CRAT: variants seen among roughly 807,000 people sequenced by gnomAD.
The protein encoded by CRAT is carnitine O-acetyltransferase.
In CRAT, 66 loss-of-function variants were observed where a neutral mutation model predicts 73.7. That is an observed-to-expected ratio of 0.90 (90% CI 0.73 to 1.10). The LOEUF is 1.10. Ranked by LOEUF, CRAT falls within the 50% of genes least tolerant of loss-of-function variation. The pLI, the probability that CRAT is intolerant of heterozygous loss-of-function variation, is 0.00. For synonymous variants in CRAT, 321 were observed against 343.2 expected, an observed-to-expected ratio of 0.94 and a Z score of 0.71; for missense variants, 745 against 846.9, an observed-to-expected ratio of 0.88 and a Z score of 1.49.
Position 129,110,400 on chromosome 9 carries a change from G to T in CRAT, c.27+83C>A. 1 of 1,379,810 alleles carries T rather than the reference G, an allele frequency of 7.2e-7. No homozygotes were observed. The highest frequency in any genetic ancestry group is 1.4e-5 in the South Asian group (1 of 71,574). The allele number at this position is 1,379,810 out of a possible 1,614,324, so 85.5% of individuals were successfully genotyped here. ...AGGCCGGGTCGAACAGCGGCCGCAG[G>T]ACGCGGTCTCCGTTCCCGGACGCAA... On this transcript the variant is annotated intron_variant, in intron 1 of 13. Coordinates refer to ENST00000318080, the MANE Select transcript of CRAT (RefSeq NM_000755.5). This position sits in a 1 kb window ranked among gnomAD's most constrained non-coding sequence, Gnocchi z 5.3.
At position 129,101,959 on chromosome 9, in the gene CRAT, G is replaced by C. The variant is rs745998010; in HGVS notation, c.729C>G (p.Thr243=). Residue 243 remains threonine, a synonymous_variant, in exon 6 of 14, where the codon ACC becomes ACG. Coordinates refer to ENST00000318080, the MANE Select transcript of CRAT (RefSeq NM_000755.5). ...TGAGGATGCCCACAGGCTCCTTGTTGGTCTGTAGGGATGAGTTCCAGATCT... is the reference window on the plus strand; with the variant it reads ...TGAGGATGCCCACAGGCTCCTTGTTCGTCTGTAGGGATGAGTTCCAGATCT... The part of the protein sequence containing the change: ...LEKIWNSSLQ[T]NKEPVGILTS... The C allele has an allele frequency of 2.5e-6, 4 of 1,614,200 alleles. No homozygotes were observed. Among genetic ancestry groups the C allele is most frequent in the Non-Finnish European group, 3.4e-6 (4 of 1,180,022 alleles).
intron 1 of CRAT, 86 bp from the exon 2 acceptor site, chr9:129,108,163 G>A (rs1848139300): frequency 2.8e-6 from 4 of 1,453,554 alleles, no homozygotes; most frequent in South Asian, 3.0e-5. Flanking sequence ...GCACTTAAGT[G>A]CCCATCCCTG....
intron 11 of CRAT, 115 bp from the exon 12 acceptor site, chr9:129,097,427 G>C: frequency 2.6e-6 from 2 of 778,664 alleles, no homozygotes; most frequent in Non-Finnish European, 3.9e-6. Flanking sequence ...GAAATATTGG[G>C]GCTGGGAGCG....
intron 12 of CRAT, among the ~76,000 whole-genome samples, chr9:129,096,385 A>G (rs1406951137): frequency 1.3e-5 from 2 of 152,266 alleles, no homozygotes. Flanking sequence ...TGGGTGACCT[A>G]GCCCCATCCT....
chr9:129,104,795 G>A (rs535177713), intron 2 of CRAT, among the ~76,000 whole-genome samples: 21 of 151,562 alleles, frequency 1.4e-4, no homozygotes, highest in South Asian at 2.1e-4. Flanking sequence ...TAGTAGAGAC[G>A]GGGTTTCACC....
chr9:129,098,778 C>G, intron 8 of CRAT, 128 bp from the exon 9 acceptor site: 1 of 1,046,332 alleles, frequency 9.6e-7, no homozygotes. Flanking sequence ...TGAGTTTGTT[C>G]TGAAAACCAC....
rs1847442858 is a variant in CRAT at position 129,098,601 on chromosome 9, T to C, written c.1135A>G (p.Lys379Glu). ...GGGGTGATGTTGAACCGCAGCTTCT[T>C]GGGCATGGGCAGGGGCACCAGGGGA... The part of the protein sequence containing the change: ...RSPLVPLPMP[K>E]KLRFNITPEI... The change falls in exon 9 of 14, where the codon AAG (lysine) becomes GAG (glutamate). Residue 379 changes from lysine to glutamate, a missense_variant. Coordinates refer to ENST00000318080, the MANE Select transcript of CRAT (RefSeq NM_000755.5). 1 of 1,599,478 alleles carries C rather than the reference T, an allele frequency of 6.3e-7. No individual in the cohort carries two copies. Among genetic ancestry groups the C allele is most frequent in the Non-Finnish European group, 8.5e-7 (1 of 1,176,238 alleles).
At chr9:129,105,468 G>A (rs1223830019) in intron 2 of CRAT, among the ~76,000 whole-genome samples, 1 of 152,120 alleles carries the variant, frequency 6.6e-6, no homozygotes, top group Middle Eastern at 3.4e-3. Context: ...CTATAGGTGC[G>A]CACCACCATG....
intron 8 of CRAT, among the ~76,000 whole-genome samples, chr9:129,099,402 G>A (rs1588446018): frequency 6.8e-6 from 1 of 146,884 alleles, no homozygotes; most frequent in South Asian, 2.2e-4. Flanking sequence ...GGGATTATAG[G>A]CATGAGCCAC....
At chr9:129,102,174 C>T (rs2131465965) in intron 5 of CRAT, 117 bp from the exon 6 acceptor site, 1 of 1,292,308 alleles carries the variant, frequency 7.7e-7, no homozygotes. Context: ...TGGAGTCAGG[C>T]CAAGGGTGAG....
At chr9:129,105,703 C>A (rs1329131435) in intron 2 of CRAT, among the ~76,000 whole-genome samples, 2 of 152,166 alleles carry the variant, frequency 1.3e-5, no homozygotes, top group African/African-American at 2.4e-5. Context: ...GCCTGAGGAA[C>A]CTGTGGCCTC....
At position 129,099,976 on chromosome 9, in the gene CRAT, G is replaced by A. The variant is rs781506771; in HGVS notation, c.985-10C>T. 2 of 1,612,372 alleles carry A rather than the reference G, an allele frequency of 1.2e-6. No individual in the cohort carries two copies. The highest frequency in any genetic ancestry group is 1.7e-6 in the Non-Finnish European group (2 of 1,179,276). On this transcript the variant is annotated splice_polypyrimidine_tract_variant and intron_variant, in intron 7 of 13. Transcript: ENST00000318080. ...CTTCTGCCACGATGAACTGTGGAAG[G>A]GAAGGGAGACCCCGGTCAGCCCCAG...
rs1447459501 is a variant in CRAT, at chr9:129,095,540, G to A, written c.1738C>T (p.Pro580Ser). The A allele has an allele frequency of 1.9e-6, 3 of 1,613,378 alleles. No individual in the cohort carries two copies. Among genetic ancestry groups the A allele is most frequent in the Non-Finnish European group, 2.5e-6 (3 of 1,180,008 alleles). ...GAGAAGTTGATGTGGGCCTCCATGG[G>A]GTTATAGCAGACACCGTAGCCGTCG... ...VPDGYGVCYN[P>S]MEAHINFSLS... Residue 580 changes from proline to serine, a missense_variant, in exon 14 of 14, where the codon CCC becomes TCC. Physicochemically the swap from Pro to Ser is moderately conservative, Grantham distance 74. Coordinates refer to ENST00000318080, the MANE Select transcript of CRAT (RefSeq NM_000755.5).
intron 4 of CRAT, 99 bp from the exon 5 acceptor site, chr9:129,102,664 A>C: frequency 7.2e-7 from 1 of 1,382,698 alleles, no homozygotes; most frequent in Non-Finnish European, 1.0e-6. Context: ...GGGCTCACAC[A>C]GTGTCCCTGC....
intron 7 of CRAT, 62 bp downstream of exon 7, chr9:129,100,448 TC>T: frequency 6.6e-7 from 1 of 1,524,754 alleles, no homozygotes; most frequent in South Asian, 1.2e-5. Context: ...GGGCAGGAAG[TC>T]CCGAGGCTGC....
intron 6 of CRAT, 99 bp downstream of exon 6, chr9:129,101,784 G>A: frequency 7.2e-7 from 1 of 1,383,704 alleles, no homozygotes; most frequent in Non-Finnish European, 9.9e-7. Flanking sequence ...TTCCTTTGTT[G>A]CCAGCAGACT....
chr9:129,097,436 C>T (rs1042626737), intron 11 of CRAT, 124 bp from the exon 12 acceptor site: 42 of 679,296 alleles, frequency 6.2e-5, no homozygotes, highest in Middle Eastern at 3.4e-4. Flanking sequence ...GGGCTGGGAG[C>T]GGTGGCTCAC....
In CRAT at chr9:129,101,922, G is replaced by A. The variant is rs765879367; in HGVS notation, c.766C>T (p.Arg256Cys). ...EPVGILTSNHRNSWAKAYNTL... is the reference protein window; with the variant it reads ...EPVGILTSNHCNSWAKAYNTL... ...TTGTATGCCTTGGCCCAGGAGTTGC[G>A]GTGGTTGGAGGTGAGGATGCCCACA... Residue 256 changes from arginine to cysteine, a missense_variant, in exon 6 of 14, where the codon CGC becomes TGC. Physicochemically the swap from Arg to Cys is radical, Grantham distance 180 (BLOSUM62 -3). Transcript: ENST00000318080. 2.2e-5 allele frequency: 35 copies of A among 1,614,044 alleles called. No homozygotes were observed. The highest frequency in any genetic ancestry group is 4.4e-5 in the South Asian group (4 of 91,080).
rs899681050 is a variant in CRAT at position 129,103,644 on chromosome 9, A to G, written c.410+544T>C. 6.6e-6 allele frequency among the ~76,000 whole-genome samples: 1 copy of G among 152,114 alleles called. No homozygotes were observed. The highest frequency in any genetic ancestry group is 2.1e-4 in the South Asian group (1 of 4,830). Reference sequence around the variant, plus strand: ...TCCCACCATGGGGACCAGTGGCTGGAGTTCCTGGGCCTGAACCCCGGCCCT... The same window carrying G: ...TCCCACCATGGGGACCAGTGGCTGGGGTTCCTGGGCCTGAACCCCGGCCCT... On this transcript the variant is annotated intron_variant, in intron 3 of 13. Transcript: ENST00000318080. This position sits in a 1 kb window ranked among gnomAD's most constrained non-coding sequence, Gnocchi z 4.6.
Sources: allele counts gnomAD v4.1 joint callset (sites outside exome capture counted in the v4.1 genomes callset), GRCh38; gene constraint gnomAD v4.1.1; non-coding constraint Gnocchi (gnomAD v3.1); transcripts MANE v1.5; gene names NCBI Gene and HGNC (gene_info 2026-07-23, HGNC 2026-07-21).